The following LARP1B variants were observed in gnomAD, a reference collection of about 807,000 sequenced individuals.
LARP1B encodes la-related protein 1B.
Under a neutral mutation model 114.2 loss-of-function variants are expected in LARP1B, and 76 were observed. The ratio of observed to expected loss-of-function variants is 0.67; its 90% confidence interval spans 0.55 to 0.81. The LOEUF (loss-of-function observed/expected upper bound fraction) is 0.81, where lower values mean the gene tolerates loss of function less well. LARP1B is among the 30% of genes least tolerant of loss of function. LARP1B has a pLI of 0.00. For synonymous variants in LARP1B, 345 were observed against 348.0 expected, an observed-to-expected ratio of 0.99 and a Z score of 0.10; for missense variants, 1,014 against 1,075.8, an observed-to-expected ratio of 0.94 and a Z score of 0.80.
At chr4:128,156,242 G>A in intron 11 of LARP1B, 1 of 1,350,634 alleles carries the variant, frequency 7.4e-7, no homozygotes, top group South Asian at 1.3e-5. Context: ...GCCACCCTAA[G>A]CAACGTCTGC....
chr4:128,092,690 A>T, intron 7 of LARP1B: 1 of 805,364 alleles, frequency 1.2e-6, no homozygotes, highest in Non-Finnish European at 1.5e-6. Context: ...TCAGCCAGGC[A>T]CCTTCCTGGG....
chr4:128,214,504 C>T (rs575055467), downstream of LARP1B, among the ~76,000 whole-genome samples: 53 of 152,186 alleles, frequency 3.5e-4, no homozygotes, highest in African/African-American at 9.4e-4. Flanking sequence ...CCCTGACCCC[C>T]GAGCAGCCTA....
chr4:128,122,814 C>T, intron 11 of LARP1B: 1 of 1,091,722 alleles, frequency 9.2e-7, no homozygotes, highest in Non-Finnish European at 1.1e-6. Context: ...GATCCTGGTT[C>T]CTATCCTAGT....
At chr4:128,081,978 C>T (rs1239873679) in intron 4 of LARP1B, among the ~76,000 whole-genome samples, 187 bp from the exon 5 acceptor site, 3 of 152,060 alleles carry the variant, frequency 2.0e-5, no homozygotes, top group Admixed American at 6.6e-5. Flanking sequence ...TCAAGTCATC[C>T]GCCCACCGCG....
At chr4:128,063,703 CG>C (rs1478244769) in intron 1 of LARP1B, among the ~76,000 whole-genome samples, 2 of 151,400 alleles carry the variant, frequency 1.3e-5, no homozygotes, top group African/African-American at 2.4e-5. Context: ...CGCTTGAACC[CG>C]GGAGGCAGAG....
rs532104972 is a variant in LARP1B at position 128,082,963 on chromosome 4, G to GCCTTCC, written c.358+659_358+664dup. On this transcript the variant is annotated intron_variant, in intron 5 of 19. Transcript: ENST00000326639. ...GTTTTCCTAGGCAGAGGACCCTGCG[G>GCCTTCC]CCTTCCGCAGTGTTTGTGTCCCTGG... 1.9e-4 allele frequency among the ~76,000 whole-genome samples: 29 copies of GCCTTCC among 151,472 alleles called. No individual in the cohort carries two copies. In the South Asian group the frequency reaches 5.8e-3, roughly 31 times the overall value.
At chr4:128,196,235 A>G in intron 15 of LARP1B, among the ~76,000 whole-genome samples, 1 of 131,960 alleles carries the variant, frequency 7.6e-6, no homozygotes, top group African/African-American at 2.8e-5. Context: ...TGGGCGACAG[A>G]GTGAGAGTCT....
intron 1 of LARP1B, chr4:128,061,862 A>C (rs1050791854): frequency 2.0e-6 from 2 of 984,864 alleles, no homozygotes; most frequent in Non-Finnish European, 2.4e-6. Flanking sequence ...CGCGGCCGCC[A>C]CTAGCGCTGG....
intron 1 of LARP1B, among the ~76,000 whole-genome samples, chr4:128,068,461 C>T (rs986525813): frequency 2.6e-5 from 4 of 152,178 alleles, no homozygotes; most frequent in Non-Finnish European, 4.4e-5. Flanking sequence ...GCTAGGACTA[C>T]AGGCATGTGC....
At chr4:128,170,929 G>A (rs1411743381) in intron 12 of LARP1B, among the ~76,000 whole-genome samples, 4 of 62,786 alleles carry the variant, frequency 6.4e-5, no homozygotes, top group African/African-American at 2.4e-4. Context: ...TGTGTTGTTT[G>A]TAACTTTTTC....
chr4:128,125,645 TG>T (rs1167806853), intron 11 of LARP1B, among the ~76,000 whole-genome samples: 4 of 152,196 alleles, frequency 2.6e-5, no homozygotes, highest in African/African-American at 9.7e-5. Flanking sequence ...CTCGGGAGGC[TG>T]AAGGCAGGAG....
intron 1 of LARP1B, among the ~76,000 whole-genome samples, chr4:128,071,673 C>G: frequency 6.6e-6 from 1 of 152,170 alleles, no homozygotes; most frequent in South Asian, 2.1e-4. Flanking sequence ...CCACCTGCCT[C>G]AGCCTCCCAA....
chr4:128,129,393 C>G (rs904838495), intron 11 of LARP1B, among the ~76,000 whole-genome samples: 1 of 150,422 alleles, frequency 6.6e-6, no homozygotes, highest in Non-Finnish European at 1.5e-5. Flanking sequence ...GAGAAACATT[C>G]CTTGTTCATA....
chr4:128,067,218 A>G (rs1301146123), intron 1 of LARP1B, among the ~76,000 whole-genome samples: 1 of 152,130 alleles, frequency 6.6e-6, no homozygotes, highest in Non-Finnish European at 1.5e-5. Context: ...TCTATTAGTG[A>G]TTGTATAATT....
Position 128,112,031 on chromosome 4 carries a change from GA to G in LARP1B, c.989-2529del, listed in dbSNP as rs201940366. 8.2e-4 allele frequency among the ~76,000 whole-genome samples: 120 copies of G among 145,528 alleles called. 1 individual carries two copies. Among genetic ancestry groups the G allele is most frequent in the African/African-American group, 2.7e-3 (106 of 39,730 alleles). On this transcript the variant is annotated intron_variant, in intron 9 of 19. Transcript: ENST00000326639. The stretch of plus-strand genomic sequence containing the variant: ...AGTTTCATGTATGGTTCATTAAAAA[GA>G]AAAAAAAAAGTGTTCTCTGGAGTTA...
chr4:128,202,935 A>G (rs1312137890), intron 17 of LARP1B, among the ~76,000 whole-genome samples: 1 of 152,182 alleles, frequency 6.6e-6, no homozygotes, highest in Non-Finnish European at 1.5e-5. Context: ...ATGGTGGCTC[A>G]CACCTGTAAT....
intron 12 of LARP1B, among the ~76,000 whole-genome samples, chr4:128,175,971 T>C (rs915456714): frequency 2.0e-5 from 3 of 151,536 alleles, no homozygotes; most frequent in Non-Finnish European, 4.4e-5. Context: ...AAGCTTACTC[T>C]TTCTGGGTTG....
At chr4:128,155,716 G>C (rs1735257627) in intron 11 of LARP1B, 1 of 1,607,830 alleles carries the variant, frequency 6.2e-7, no homozygotes, top group African/African-American at 1.3e-5. Flanking sequence ...GCGCCGCCGA[G>C]TAAGGCCCGA....
intron 5 of LARP1B, among the ~76,000 whole-genome samples, chr4:128,083,804 C>T (rs1378834981): frequency 3.4e-5 from 5 of 146,164 alleles, no homozygotes; most frequent in African/African-American, 5.0e-5. Context: ...GGGGGGCTGA[C>T]CCCCCCACCT....
Sources: allele counts gnomAD v4.1 joint callset (sites outside exome capture counted in the v4.1 genomes callset), GRCh38; gene constraint gnomAD v4.1.1; transcripts MANE v1.5; gene names NCBI Gene and HGNC (gene_info 2026-07-23, HGNC 2026-07-21).